The following RAF1 variants were observed in gnomAD, a reference collection of about 807,000 sequenced individuals.
The protein encoded by RAF1 is RAF proto-oncogene serine/threonine-protein kinase.
RAF1 carries 27 observed loss-of-function variants against 81.1 expected under a neutral mutation model. That is an observed-to-expected ratio of 0.33 (90% CI 0.25 to 0.46). The LOEUF (loss-of-function observed/expected upper bound fraction) is 0.46, where lower values mean the gene tolerates loss of function less well. RAF1 is among the 20% of genes least tolerant of loss of function. RAF1 has a pLI of 1.00. For synonymous variants in RAF1, 298 were observed against 294.0 expected, an observed-to-expected ratio of 1.01 and a Z score of -0.14; for missense variants, 598 against 826.0, an observed-to-expected ratio of 0.72 and a Z score of 3.38.
chr3:12,648,929 A>G (rs2060436582), intron 1 of RAF1, among the ~76,000 whole-genome samples: 1 of 152,178 alleles, frequency 6.6e-6, no homozygotes, highest in Non-Finnish European at 1.5e-5. Flanking sequence ...AGCCTGACCA[A>G]CATGGAGAAA....
chr3:12,640,953 G>C (rs1178942661), intron 1 of RAF1, among the ~76,000 whole-genome samples: 2 of 152,128 alleles, frequency 1.3e-5, no homozygotes, highest in East Asian at 3.9e-4. Context: ...GCAAAGACCT[G>C]GAACCAACCC....
At chr3:12,593,587 G>C (rs1459799401) in intron 11 of RAF1, among the ~76,000 whole-genome samples, 1 of 141,008 alleles carries the variant, frequency 7.1e-6, no homozygotes, top group Admixed American at 7.0e-5. Flanking sequence ...TGACTGGATG[G>C]GAGAGATCCA....
rs61762461 is a variant in RAF1, at chr3:12,606,436, T to C, written c.582-137A>G. The C allele has an allele frequency of 3.2e-3, 2,263 of 700,574 alleles. 30 individuals are homozygous for C. The African/African-American group carries it at 0.036, about 11-fold the overall frequency. 43.4% of individuals were successfully genotyped at this position (700,574 alleles called of 1,614,324 possible). On this transcript the variant is annotated intron_variant, in intron 5 of 17. Transcript: ENST00000442415. ...TCACATTTTCCTCAACTGTTTTACA[T>C]TACCTAGAATAAAGGGAACAATATT...
chr3:12,654,672 A>T lies in RAF1; in HGVS notation c.-27+9141T>A, dbSNP rs1025891837. 2.9e-3 allele frequency among the ~76,000 whole-genome samples: 151 copies of T among 51,712 alleles called. 1 individual carries two copies. Among genetic ancestry groups the T allele is most frequent in the African/African-American group, 0.011 (108 of 9,550 alleles). The allele number at this position is 51,712 out of a possible 152,430, so 33.9% of individuals were successfully genotyped here. On this transcript the variant is annotated intron_variant, in intron 1 of 17. Transcript: ENST00000442415. The stretch of plus-strand genomic sequence containing the variant: ...GTGTATCAACTTATAGAAAAACTTT[A>T]TTCATTTTTTTTTTTGCTTATTTTT...
chr3:12,661,525 G>T (rs1575695892), intron 1 of RAF1, among the ~76,000 whole-genome samples: 1 of 150,800 alleles, frequency 6.6e-6, no homozygotes, highest in African/African-American at 2.4e-5. Flanking sequence ...TGGCCAACAC[G>T]ACAAAACCCC....
chr3:12,584,729 T>C, intron 17 of RAF1, 72 bp from the exon 17 acceptor site: 2 of 1,613,222 alleles, frequency 1.2e-6, no homozygotes, highest in Non-Finnish European at 1.7e-6. Context: ...CCCCCCACCA[T>C]CTTGTAGAGG....
At chr3:12,591,157 A>G (rs2058504045) in intron 12 of RAF1, among the ~76,000 whole-genome samples, 183 bp from the exon 12 acceptor site, 1 of 152,116 alleles carries the variant, frequency 6.6e-6, no homozygotes, top group Admixed American at 6.5e-5. Flanking sequence ...AGCAAAGAGA[A>G]GCCCACCATT....
intron 1 of RAF1, among the ~76,000 whole-genome samples, chr3:12,642,720 A>ACACACACACACAC (rs2060231024): frequency 3.4e-5 from 5 of 145,388 alleles, no homozygotes; most frequent in African/African-American, 1.0e-4. Flanking sequence ...ACACACACAC[A>ACACACACACACAC]AAATAGCTGC....
chr3:12,594,542 C>T (rs1454741772), intron 11 of RAF1, among the ~76,000 whole-genome samples: 1 of 152,190 alleles, frequency 6.6e-6, no homozygotes, highest in Non-Finnish European at 1.5e-5. Context: ...AATATAACCT[C>T]AGAATTCAGA....
chr3:12,641,792 C>G (rs989159484), intron 1 of RAF1, among the ~76,000 whole-genome samples: 3 of 151,974 alleles, frequency 2.0e-5, no homozygotes, highest in African/African-American at 7.2e-5. Context: ...GTACCCGGCC[C>G]CAAAAATGCT....
chr3:12,587,451 T>A, intron 14 of RAF1, 140 bp downstream of exon 13: 1 of 867,724 alleles, frequency 1.2e-6, no homozygotes, highest in East Asian at 2.4e-5. Flanking sequence ...ATTTTCTGAC[T>A]TTTCTGTTTT....
At position 12,600,143 on chromosome 3, in the gene RAF1, T is replaced by C. The variant is rs559532794; in HGVS notation, c.1050+9A>G. 8 of 1,614,104 alleles carry C rather than the reference T, an allele frequency of 5.0e-6. No homozygotes were observed. The East Asian group carries it at 8.9e-5, about 18-fold the overall frequency. ...CTAATTGGCAGGAGGTACTGTTGTC[T>C]ATACTCACAATTTTGTTTTTCTCCT... is the stretch of plus-strand genomic sequence containing the variant. On this transcript the variant is annotated intron_variant, in intron 10 of 17. Coordinates refer to ENST00000442415, the MANE Select transcript of RAF1 (RefSeq NM_001354689.3).
At chr3:12,595,672 C>T (rs1053645841) in intron 11 of RAF1, among the ~76,000 whole-genome samples, 1 of 152,042 alleles carries the variant, frequency 6.6e-6, no homozygotes, top group Non-Finnish European at 1.5e-5. Context: ...TACTGCTTCC[C>T]TAGATATCTG....
At chr3:12,662,939 C>A (rs55977822) in intron 1 of RAF1, among the ~76,000 whole-genome samples, 39,833 of 151,814 alleles carry the variant, frequency 0.26, 5,527 homozygotes, top group Admixed American at 0.33. Context: ...AATGAACGTG[C>A]CTTGAATTCA....
At position 12,590,316 on chromosome 3, in the gene RAF1, C is replaced by A. The variant is rs1400543265; in HGVS notation, c.1430+482G>T. ...GGGGAAGTTCAGTCCCAAGGAGGAA[C>A]CTGAACTTCTCTTTTTTTTTTTTTG... On this transcript the variant is annotated intron_variant, in intron 13 of 17. Coordinates refer to ENST00000442415, the MANE Select transcript of RAF1 (RefSeq NM_001354689.3). 5 of 93,956 alleles carry A rather than the reference C, an allele frequency of 5.3e-5. No homozygotes were observed. The South Asian group carries it at 1.3e-3, about 25-fold the overall frequency. The allele number at this position is 93,956 out of a possible 1,614,324, so 5.8% of individuals were successfully genotyped here.
At chr3:12,590,717 A>G in intron 13 of RAF1, 81 bp downstream of exon 12, 3 of 1,453,030 alleles carry the variant, frequency 2.1e-6, no homozygotes, top group Non-Finnish European at 2.9e-6. Flanking sequence ...AATGGACTAG[A>G]AGGCTTTTCC....
intron 5 of RAF1, chr3:12,608,533 A>T: frequency 1.8e-6 from 1 of 563,468 alleles, no homozygotes; most frequent in Non-Finnish European, 3.2e-6. Context: ...ACAGTATGTC[A>T]ATCTCAATTT....
intron 1 of RAF1, among the ~76,000 whole-genome samples, chr3:12,648,286 T>TAA (rs34585793): frequency 8.1e-6 from 1 of 124,202 alleles, no homozygotes; most frequent in Non-Finnish European, 1.7e-5. Context: ...ACAGCGAAGT[T>TAA]AAAAAAAAAA....
intron 1 of RAF1, among the ~76,000 whole-genome samples, chr3:12,648,378 C>T (rs2060418966): frequency 6.6e-6 from 1 of 151,180 alleles, no homozygotes; most frequent in South Asian, 2.1e-4. Flanking sequence ...ACTAATTTCT[C>T]TTTCATACTA....
Sources: allele counts gnomAD v4.1 joint callset (sites outside exome capture counted in the v4.1 genomes callset), GRCh38; gene constraint gnomAD v4.1.1; transcripts MANE v1.5; gene names NCBI Gene and HGNC (gene_info 2026-07-23, HGNC 2026-07-21).